The following DOCK5 variants were observed in gnomAD, a reference collection of about 807,000 sequenced individuals.
The protein encoded by DOCK5 is dedicator of cytokinesis protein 5.
Under a neutral mutation model 251.8 loss-of-function variants are expected in DOCK5, and 142 were observed. That is an observed-to-expected ratio of 0.56 (90% CI 0.49 to 0.65). DOCK5 has a LOEUF of 0.65. Ranked by LOEUF, DOCK5 falls within the 30% of genes least tolerant of loss-of-function variation. The pLI, the probability that DOCK5 is intolerant of heterozygous loss-of-function variation, is 0.00. For synonymous variants in DOCK5, 842 were observed against 835.5 expected (o/e 1.01, Z -0.13); for missense variants, 2,111 against 2,312.3 (o/e 0.91, Z 1.79).
intron 16 of DOCK5, among the ~76,000 whole-genome samples, chr8:25,323,562 T>G (rs1805481748): frequency 6.6e-6 from 1 of 152,072 alleles, no homozygotes; most frequent in Non-Finnish European, 1.5e-5. Context: ...GTTTAGGACA[T>G]GGAGTTGACG....
chr8:25,403,830 C>A, intron 48 of DOCK5, 106 bp downstream of exon 48: 1 of 1,173,004 alleles, frequency 8.5e-7, no homozygotes, highest in South Asian at 1.5e-5. Flanking sequence ...TTGGGTCATT[C>A]TCATTGTCTT....
chr8:25,403,345 G>T (rs143095319), intron 47 of DOCK5, among the ~76,000 whole-genome samples: 1 of 152,230 alleles, frequency 6.6e-6, no homozygotes, highest in East Asian at 1.9e-4. Context: ...CATCAGGGAG[G>T]TTTAACCTAA....
At chr8:25,186,584 G>A (rs938455662) in intron 1 of DOCK5, among the ~76,000 whole-genome samples, 2 of 151,916 alleles carry the variant, frequency 1.3e-5, no homozygotes, top group African/African-American at 4.8e-5. Context: ...TCGCCATCTG[G>A]GCCAGGCTGG....
At position 25,371,752 on chromosome 8, in the gene DOCK5, C is replaced by A. The variant is rs184268667; in HGVS notation, c.3525-807C>A. 2.0e-5 allele frequency among the ~76,000 whole-genome samples: 3 copies of A among 152,290 alleles called. No individual in the cohort carries two copies. In the East Asian group the frequency reaches 5.8e-4, roughly 29 times the overall value. On this transcript the variant is annotated intron_variant, in intron 34 of 51. Coordinates refer to ENST00000276440, the MANE Select transcript of DOCK5 (RefSeq NM_024940.8). ...CAGCTGATTTGTTTTACATAAGGAT[C>A]TTACTTTGTTTTCTTCATTCTTCCT...
chr8:25,214,591 T>A (rs1158392996), intron 1 of DOCK5, among the ~76,000 whole-genome samples: 1 of 152,190 alleles, frequency 6.6e-6, no homozygotes, highest in East Asian at 1.9e-4. Flanking sequence ...GTACCTTCAC[T>A]GTAAGACTGT....
At chr8:25,235,899 G>A (rs1336232759) in intron 1 of DOCK5, among the ~76,000 whole-genome samples, 4 of 146,538 alleles carry the variant, frequency 2.7e-5, no homozygotes, top group African/African-American at 1.0e-4. Flanking sequence ...CTAGATTCAA[G>A]CGATTCTCAT....
chr8:25,344,809 A>T (rs991139191), intron 25 of DOCK5, among the ~76,000 whole-genome samples: 1 of 152,222 alleles, frequency 6.6e-6, no homozygotes, highest in Non-Finnish European at 1.5e-5. Flanking sequence ...GAGATAGTAA[A>T]GATAAGGTGT....
rs1257179465 is a variant in DOCK5 at position 25,377,528 on chromosome 8, G to A, written c.3936+104G>A. The A allele has an allele frequency of 1.2e-5, 17 of 1,388,076 alleles. No individual in the cohort carries two copies. In the South Asian group the frequency reaches 2.2e-4, roughly 18 times the overall value. 86.0% of individuals were successfully genotyped at this position (1,388,076 alleles called of 1,614,324 possible). On this transcript the variant is annotated intron_variant, in intron 38 of 51. Coordinates refer to ENST00000276440, the MANE Select transcript of DOCK5 (RefSeq NM_024940.8). ...CTTGGAGTTAGCACTGACTACCCAG[G>A]TTCAGGGCACTGTCTCCAACGAGAC... is the stretch of plus-strand genomic sequence containing the variant.
chr8:25,370,685 T>G (rs567685741), intron 34 of DOCK5, among the ~76,000 whole-genome samples: 1 of 152,242 alleles, frequency 6.6e-6, no homozygotes, highest in African/African-American at 2.4e-5. Context: ...TATTTTTACT[T>G]GTGTAGAAAT....
At chr8:25,369,183 G>C (rs1469630753) in intron 33 of DOCK5, among the ~76,000 whole-genome samples, 1 of 152,168 alleles carries the variant, frequency 6.6e-6, no homozygotes, top group Non-Finnish European at 1.5e-5. Context: ...TATTAATATT[G>C]AAAGGACGAT....
Position 25,185,115 on chromosome 8 carries a change from C to G in DOCK5, c.43+164C>G, listed in dbSNP as rs73556361. On this transcript the variant is annotated intron_variant, in intron 1 of 51. Transcript: ENST00000276440. ...GACGGTAGGAGTCCTCTCCAGGGAG[C>G]GCCGATGGGGAAGTCGCCCAGGGTT... Among the ~76,000 whole-genome samples, 646 of 152,224 alleles carry G rather than the reference C, an allele frequency of 4.2e-3. 6 individuals carry two copies. The highest frequency in any genetic ancestry group is 0.015 in the African/African-American group (616 of 41,544).
At position 25,296,576 on chromosome 8, in the gene DOCK5, C is replaced by T; in HGVS notation, c.534C>T (p.Thr178=). The T allele has an allele frequency of 6.2e-7, 1 of 1,612,558 alleles. No homozygotes were observed. Among genetic ancestry groups the T allele is most frequent in the African/African-American group, 1.3e-5 (1 of 75,002 alleles). ...DNGNILDPDE[T]STIALFKAHE... The stretch of plus-strand genomic sequence containing the variant: ...GGAACATCCTAGACCCTGACGAAAC[C>T]AGCACCATTGCCCTCTTCAAGGCCC... Residue 178 remains threonine (T), a synonymous_variant, in exon 7 of 52, where the codon ACC becomes ACT. Coordinates refer to ENST00000276440, the MANE Select transcript of DOCK5 (RefSeq NM_024940.8).
chr8:25,325,299 T>C, intron 17 of DOCK5, 65 bp from the exon 18 acceptor site: 2 of 1,531,894 alleles, frequency 1.3e-6, no homozygotes, highest in Admixed American at 3.8e-5. Flanking sequence ...ATGATAGAAA[T>C]TGTTTTTATT....
At chr8:25,192,675 T>TTTG (rs969716366) in intron 1 of DOCK5, among the ~76,000 whole-genome samples, 1 of 152,052 alleles carries the variant, frequency 6.6e-6, no homozygotes, top group South Asian at 2.1e-4. Flanking sequence ...CTGGCTAATT[T>TTTG]TTGTTGTTGT....
chr8:25,351,755 C>T lies in DOCK5; in HGVS notation c.2779C>T (p.Leu927Phe), dbSNP rs1046193697. ...GGGTGCCACTGCGGTGCACATTCAG[C>T]TTATAATGGAACGGCTGCTGAGAAG... Reference protein sequence around the residue: ...DVGATAVHIQLIMERLLRRIN... With the variant: ...DVGATAVHIQFIMERLLRRIN... Residue 927 changes from leucine to phenylalanine, a missense_variant, in exon 27 of 52, where the codon CTT (leucine) becomes TTT (phenylalanine). This residue lies in a region of DOCK5 where 1,717 missense variants were observed against 1,892.4 expected (regional missense o/e 0.91). Coordinates refer to ENST00000276440, the MANE Select transcript of DOCK5 (RefSeq NM_024940.8). The T allele has an allele frequency of 5.0e-6, 8 of 1,613,692 alleles. No individual in the cohort carries two copies. The highest frequency in any genetic ancestry group is 4.4e-5 in the South Asian group (4 of 91,012).
intron 7 of DOCK5, among the ~76,000 whole-genome samples, chr8:25,298,529 A>G (rs909148219): frequency 6.6e-6 from 1 of 152,188 alleles, no homozygotes; most frequent in African/African-American, 2.4e-5. Context: ...TTGTCCACTT[A>G]CATACACTTT....
At chr8:25,377,641 C>G (rs1800987667) in intron 38 of DOCK5, among the ~76,000 whole-genome samples, 1 of 152,184 alleles carries the variant, frequency 6.6e-6, no homozygotes, top group African/African-American at 2.4e-5. Flanking sequence ...TGGGGGGCTT[C>G]CACTGCCCCC....
chr8:25,232,228 A>G (rs78311709), intron 1 of DOCK5, among the ~76,000 whole-genome samples: 531 of 151,326 alleles, frequency 3.5e-3, no homozygotes, highest in African/African-American at 0.012. Context: ...ATCTTGAACC[A>G]GATGTCAGTC....
chr8:25,254,046 A>G (rs1163679146), intron 2 of DOCK5, among the ~76,000 whole-genome samples: 1 of 152,234 alleles, frequency 6.6e-6, no homozygotes, highest in African/African-American at 2.4e-5. Flanking sequence ...AGACAAACAA[A>G]TCTACTGAAC....
Sources: allele counts gnomAD v4.1 joint callset (sites outside exome capture counted in the v4.1 genomes callset), GRCh38; gene constraint gnomAD v4.1.1; regional missense constraint gnomAD v4.1.1; transcripts MANE v1.5; gene names NCBI Gene and HGNC (gene_info 2026-07-23, HGNC 2026-07-21).